MRPS21: variants seen among roughly 807,000 people sequenced by gnomAD.
The protein encoded by MRPS21 is mitochondrial ribosomal protein S21.
In MRPS21, 8 loss-of-function variants were observed where a neutral mutation model predicts 9.9. That is an observed-to-expected ratio of 0.81 (90% CI 0.47 to 1.45). The LOEUF (loss-of-function observed/expected upper bound fraction) is 1.45, where lower values mean the gene tolerates loss of function less well. MRPS21 is among the 40% of genes most tolerant of loss of function. The pLI, the probability that MRPS21 is intolerant of heterozygous loss-of-function variation, is 0.00. For synonymous variants in MRPS21, 40 were observed against 40.3 expected (o/e 0.99, Z 0.03); for missense variants, 101 against 118.9 (o/e 0.85, Z 0.70).
chr1:150,299,093 G>A (rs957240322), intron 2 of MRPS21, among the ~76,000 whole-genome samples: 1 of 152,186 alleles, frequency 6.6e-6, no homozygotes, highest in Non-Finnish European at 1.5e-5. Flanking sequence ...GCACAGGTCT[G>A]TAATCCCAGC....
chr1:150,300,200 G>A (rs12144315), intron 2 of MRPS21, among the ~76,000 whole-genome samples: 12,828 of 151,984 alleles, frequency 0.084, 711 homozygotes, highest in Non-Finnish European at 0.12. Context: ...AAAATTAGCC[G>A]GGTATGATGG....
At chr1:150,304,208 G>A in intron 2 of MRPS21, 1 of 325,536 alleles carries the variant, frequency 3.1e-6, no homozygotes, top group Admixed American at 3.7e-5. Context: ...CTACTCAGGA[G>A]GCTGAGGCGG....
At chr1:150,298,242 C>T (rs16835865) in intron 2 of MRPS21, among the ~76,000 whole-genome samples, 4,101 of 152,106 alleles carry the variant, frequency 0.027, 174 homozygotes, top group African/African-American at 0.093. Context: ...CTAAAATGAA[C>T]GTCTTTATAG....
intron 2 of MRPS21, chr1:150,301,316 C>A: frequency 3.5e-6 from 1 of 284,332 alleles, no homozygotes; most frequent in Non-Finnish European, 7.1e-6. Context: ...ACCTGGGGGA[C>A]GAGAGCGAGA....
chr1:150,294,006 C>T (rs1653818065), intron 1 of MRPS21, 108 bp downstream of exon 1: 1 of 256,712 alleles, frequency 3.9e-6, no homozygotes, highest in South Asian at 4.3e-5. Context: ...CCTTCCCCAA[C>T]TCCCAACTCA....
At chr1:150,300,237 G>T (rs1654067201) in intron 2 of MRPS21, among the ~76,000 whole-genome samples, 1 of 152,062 alleles carries the variant, frequency 6.6e-6, no homozygotes, top group Admixed American at 6.6e-5. Context: ...CAGCTATTCG[G>T]GAGGCTGAGG....
intron 2 of MRPS21, among the ~76,000 whole-genome samples, chr1:150,302,333 C>T (rs1000941731): frequency 2.0e-5 from 3 of 152,078 alleles, no homozygotes; most frequent in Non-Finnish European, 4.4e-5. Context: ...TCATTGGTGC[C>T]CCGGGATGAG....
At chr1:150,295,564 A>G (rs1169504565) in intron 2 of MRPS21, among the ~76,000 whole-genome samples, 14 of 152,178 alleles carry the variant, frequency 9.2e-5, no homozygotes, top group Admixed American at 5.2e-4. Flanking sequence ...ATAAATAGAA[A>G]GCTGAGGGAG....
At position 150,307,050 on chromosome 1, in the gene MRPS21, A is replaced by ATTTT. The variant is rs10561928; in HGVS notation, c.84-989_84-986dup. Among the ~76,000 whole-genome samples, 484 of 148,838 alleles carry ATTTT rather than the reference A, an allele frequency of 3.3e-3. 1 individual carries two copies. Among genetic ancestry groups the ATTTT allele is most frequent in the South Asian group, 3.8e-3 (18 of 4,772 alleles). ...AATTAATTGCTTTTTTATTTCCCCAATTTTTTTTTTTTGAGACAAGAGTCT... is the reference window on the plus strand; with the variant it reads ...AATTAATTGCTTTTTTATTTCCCCAATTTTTTTTTTTTTTTTGAGACAAGAGTCT... On this transcript the variant is annotated intron_variant, in intron 2 of 2. Transcript: ENST00000614145.
Position 150,308,193 on chromosome 1 carries a change from C to G in MRPS21, c.229C>G (p.Arg77Gly), listed in dbSNP as rs781998374. The G allele has an allele frequency of 1.9e-6, 3 of 1,603,562 alleles. No homozygotes were observed. The highest frequency in any genetic ancestry group is 2.6e-6 in the Non-Finnish European group (3 of 1,171,162). The change falls in exon 3 of 3, where the codon CGA becomes GGA. Residue 77 changes from arginine to glycine, a missense_variant. Physicochemically the swap from Arg to Gly is moderately radical, Grantham distance 125. Coordinates refer to ENST00000614145, the MANE Select transcript of MRPS21 (RefSeq NM_031901.6). Reference sequence around the variant, plus strand: ...GGCTCGCAAGATCAACTTCTTGATGCGAAAGAATCGGGCAGATCCGTGGCA... The same window carrying G: ...GGCTCGCAAGATCAACTTCTTGATGGGAAAGAATCGGGCAGATCCGTGGCA... ...EMARKINFLM[R>G]KNRADPWQGC
chr1:150,308,155 A>G lies in MRPS21; in HGVS notation c.191A>G (p.Tyr64Cys), dbSNP rs782244862. The change falls in exon 3 of 3, where the codon TAC (tyrosine) becomes TGC (cysteine). Residue 64 changes from tyrosine (Y) to cysteine (C), a missense_variant. Transcript: ENST00000614145. ...RESYERCRRI[Y>C]NMEMARKINF... is the part of the protein sequence containing the mutation. Reference sequence around the variant, plus strand: ...AGCTATGAAAGGTGCCGGCGGATCTACAACATGGAAATGGCTCGCAAGATC... The same window carrying G: ...AGCTATGAAAGGTGCCGGCGGATCTGCAACATGGAAATGGCTCGCAAGATC... The G allele has an allele frequency of 1.9e-6, 3 of 1,609,768 alleles. No individual in the cohort carries two copies. The highest frequency in any genetic ancestry group is 2.7e-5 in the African/African-American group (2 of 74,888).
At chr1:150,295,970 T>TTAA (rs1428930001) in intron 2 of MRPS21, among the ~76,000 whole-genome samples, 5 of 134,386 alleles carry the variant, frequency 3.7e-5, no homozygotes, top group African/African-American at 8.4e-5. Context: ...TTTTTTTTTT[T>TTAA]AAAACGGAGT....
At chr1:150,297,615 G>A (rs1653963197) in intron 2 of MRPS21, among the ~76,000 whole-genome samples, 1 of 151,908 alleles carries the variant, frequency 6.6e-6, no homozygotes, top group South Asian at 2.1e-4. Flanking sequence ...AGGCTGCAGT[G>A]AGCCAGAATC....
intron 2 of MRPS21, among the ~76,000 whole-genome samples, chr1:150,298,594 A>G (rs1553857001): frequency 6.6e-6 from 1 of 151,804 alleles, no homozygotes; most frequent in Non-Finnish European, 1.5e-5. Flanking sequence ...GTGGTACAGT[A>G]TTATTTATTG....
Sources: gnomAD v4.1 joint callset for allele counts (sites outside exome capture counted in the v4.1 genomes callset) on GRCh38, gnomAD v4.1.1 for gene constraint, MANE v1.5 for transcripts, NCBI Gene and HGNC (gene_info 2026-07-23, HGNC 2026-07-21) for gene names.